Variants in WASF2 observed in about 807,000 individuals in gnomAD.
WASF2 encodes the protein WASP family member 2.
WASF2 carries 14 observed loss-of-function variants against 45.0 expected under a neutral mutation model. The ratio of observed to expected loss-of-function variants is 0.31; its 90% CI spans 0.21 to 0.49. The LOEUF is 0.49. WASF2 is among the 20% of genes least tolerant of loss of function. The pLI is 0.99. For missense variants in WASF2, 439 were observed against 636.1 expected, an observed-to-expected ratio of 0.69 and a Z score of 3.33; for synonymous variants, 200 against 236.3, an observed-to-expected ratio of 0.85 and a Z score of 1.41.
At chr1:27,454,175 ATATATATATATATTT>A (rs1557612350) in intron 1 of WASF2, among the ~76,000 whole-genome samples, 364 of 33,872 alleles carry the variant, frequency 0.011, 4 homozygotes, top group East Asian at 0.093. Flanking sequence ...ATATATATAT[ATATATATATATATTT>A]TTTTTTTTTT....
intron 1 of WASF2, among the ~76,000 whole-genome samples, chr1:27,465,396 CTCTA>C (rs1311429189): frequency 2.6e-5 from 4 of 152,212 alleles, no homozygotes; most frequent in East Asian, 1.9e-4. Context: ...GTACAAGGAT[CTCTA>C]TCTAACAAAA....
chr1:27,442,857 C>T (rs1016189536), intron 1 of WASF2, among the ~76,000 whole-genome samples: 1 of 151,584 alleles, frequency 6.6e-6, no homozygotes, highest in Non-Finnish European at 1.5e-5. Flanking sequence ...AAAAATTAGC[C>T]AAGTGTGGTG....
At chr1:27,488,351 A>C (rs1263183641) in intron 1 of WASF2, among the ~76,000 whole-genome samples, 1 of 152,190 alleles carries the variant, frequency 6.6e-6, no homozygotes, top group Admixed American at 6.5e-5. Flanking sequence ...TGCACAAAGA[A>C]AGGGATATTA....
chr1:27,483,669 G>A (rs1012948866), intron 1 of WASF2, among the ~76,000 whole-genome samples: 1 of 151,682 alleles, frequency 6.6e-6, no homozygotes, highest in African/African-American at 2.4e-5. Context: ...GGGGTGAGGG[G>A]TCTGGGCATG....
chr1:27,465,131 T>A (rs116059488), intron 1 of WASF2, among the ~76,000 whole-genome samples: 120 of 152,358 alleles, frequency 7.9e-4, no homozygotes, highest in Middle Eastern at 3.4e-3. Flanking sequence ...TGTTCCTCTT[T>A]ACTTCTCAAA....
chr1:27,463,333 T>C (rs1430197293), intron 1 of WASF2, among the ~76,000 whole-genome samples: 2 of 152,120 alleles, frequency 1.3e-5, no homozygotes, highest in Non-Finnish European at 1.5e-5. Flanking sequence ...GGTACTGCTA[T>C]AAAACTGTGA....
At chr1:27,442,221 T>C (rs2017247372) in intron 1 of WASF2, among the ~76,000 whole-genome samples, 1 of 152,048 alleles carries the variant, frequency 6.6e-6, no homozygotes, top group African/African-American at 2.4e-5. Context: ...CATAAACATA[T>C]ACAACTACTA....
chr1:27,421,140 T>A (rs1426796265), intron 2 of WASF2, among the ~76,000 whole-genome samples: 1 of 152,184 alleles, frequency 6.6e-6, no homozygotes, highest in African/African-American at 2.4e-5. Flanking sequence ...TGCATATTGA[T>A]CGTTTGTGAC....
At chr1:27,430,013 G>A (rs958073871) in intron 1 of WASF2, among the ~76,000 whole-genome samples, 1 of 152,182 alleles carries the variant, frequency 6.6e-6, no homozygotes, top group East Asian at 1.9e-4. Context: ...GAGACAGCAG[G>A]AAATGTCTGG....
chr1:27,418,466 T>G, intron 3 of WASF2, 44 bp from the exon 4 acceptor site: 1 of 1,613,792 alleles, frequency 6.2e-7, no homozygotes. Context: ...GACAGGCTAT[T>G]TGAGCAAACA....
At chr1:27,435,623 CTGGGG>C (rs1167615736) in intron 1 of WASF2, among the ~76,000 whole-genome samples, 1 of 16,884 alleles carries the variant, frequency 5.9e-5, no homozygotes, top group African/African-American at 2.5e-4. Context: ...TCCCAACAGC[CTGGGG>C]TGGGGTGGGG....
chr1:27,421,766 A>G (rs1312953393), intron 2 of WASF2, among the ~76,000 whole-genome samples: 2 of 152,056 alleles, frequency 1.3e-5, no homozygotes, highest in African/African-American at 4.8e-5. Context: ...CAGTGAGCCA[A>G]GATCGCGCCA....
chr1:27,488,082 G>A (rs2017971267), intron 1 of WASF2, among the ~76,000 whole-genome samples: 1 of 151,968 alleles, frequency 6.6e-6, no homozygotes, highest in African/African-American at 2.4e-5. Flanking sequence ...TGTAGTTGCT[G>A]CTTTTCTGGT....
chr1:27,466,874 A>G (rs1444135076), intron 1 of WASF2, among the ~76,000 whole-genome samples: 1 of 152,134 alleles, frequency 6.6e-6, no homozygotes, highest in Admixed American at 6.6e-5. Context: ...AACAAATCAC[A>G]ATAATTTTTT....
At chr1:27,453,533 C>T (rs187009661) in intron 1 of WASF2, among the ~76,000 whole-genome samples, 193 of 146,058 alleles carry the variant, frequency 1.3e-3, no homozygotes, top group Non-Finnish European at 1.9e-3. Context: ...CAGAGGTTGC[C>T]GTGAGTGGAG....
chr1:27,487,637 ATATATATTATATAT>A (rs1302766876), intron 1 of WASF2, among the ~76,000 whole-genome samples: 1 of 80,850 alleles, frequency 1.2e-5, no homozygotes, highest in South Asian at 3.3e-4. Flanking sequence ...ACAATATATA[ATATATATTATATAT>A]TATATAATAT....
rs141637318 is a variant in WASF2, at chr1:27,480,224, T to C, written c.-44+9762A>G. 5.7e-3 allele frequency among the ~76,000 whole-genome samples: 869 copies of C among 152,244 alleles called. 16 individuals carry two copies. Among genetic ancestry groups the C allele is most frequent in the East Asian group, 0.015 (80 of 5,174 alleles). On this transcript the variant is annotated intron_variant, in intron 1 of 8. Transcript: ENST00000618852. ...TGATTTAAGAGCAAACTTTTTAAACTGAGTACTTATGGCCGGGTGTGGAGG... is the reference window on the plus strand; with the variant it reads ...TGATTTAAGAGCAAACTTTTTAAACCGAGTACTTATGGCCGGGTGTGGAGG...
chr1:27,480,247 A>C (rs1322699612), intron 1 of WASF2, among the ~76,000 whole-genome samples: 1 of 151,948 alleles, frequency 6.6e-6, no homozygotes, highest in Non-Finnish European at 1.5e-5. Context: ...CCGGGTGTGG[A>C]GGCTCATGTC....
rs993509370 is a variant in WASF2 at position 27,428,831 on chromosome 1, G to A, written c.60C>T (p.Ser20=). The change falls in exon 2 of 9, where the codon AGC becomes AGT. Residue 20 remains serine (S), a synonymous_variant. Coordinates refer to ENST00000618852, the MANE Select transcript of WASF2 (RefSeq NM_006990.5). ...PRHLCRQTLP[S]VRSELECVTN... is the part of the protein sequence containing the mutation. ...TCACGCATTCCAGCTCGCTTCTAAC[G>A]CTAGGCAACGTCTGACGGCACAGGT... 1.9e-6 allele frequency: 3 copies of A among 1,614,026 alleles called. No homozygotes were observed. Among genetic ancestry groups the A allele is most frequent in the East Asian group, 2.2e-5 (1 of 44,884 alleles).
Sources: gnomAD v4.1 joint callset for allele counts (sites outside exome capture counted in the v4.1 genomes callset) on GRCh38, gnomAD v4.1.1 for gene constraint, MANE v1.5 for transcripts, NCBI Gene and HGNC (gene_info 2026-07-23, HGNC 2026-07-21) for gene names.